The following STAU2 variants were observed in gnomAD, a reference collection of about 807,000 sequenced individuals.
STAU2 encodes staufen double-stranded RNA binding protein 2, also known as double-stranded RNA-binding protein Staufen homolog 2.
STAU2 carries 20 observed loss-of-function variants against 65.9 expected under a neutral mutation model. The ratio of observed to expected loss-of-function variants is 0.30; its 90% CI spans 0.21 to 0.44. STAU2 has a LOEUF of 0.44. Ranked by LOEUF, STAU2 falls within the 20% of genes least tolerant of loss-of-function variation. The probability of loss-of-function intolerance (pLI) is 1.00; values close to 1 mark genes in which losing one functional copy is unlikely to be tolerated. For synonymous variants in STAU2, 232 were observed against 233.9 expected (o/e 0.99, Z 0.07); for missense variants, 558 against 683.9 (o/e 0.82, Z 2.05).
chr8:73,613,125 T>C (rs895055923), intron 9 of STAU2, among the ~76,000 whole-genome samples: 1 of 152,238 alleles, frequency 6.6e-6, no homozygotes, highest in Non-Finnish European at 1.5e-5. Context: ...CTACTTCATA[T>C]GGTTGCTATG....
At chr8:73,701,227 T>G (rs1050167347) in intron 4 of STAU2, among the ~76,000 whole-genome samples, 2 of 152,132 alleles carry the variant, frequency 1.3e-5, no homozygotes, top group Admixed American at 6.5e-5. Context: ...AAACATTTCT[T>G]GAGTAATACC....
intron 3 of STAU2, among the ~76,000 whole-genome samples, chr8:73,729,774 G>T (rs1264565757): frequency 6.6e-6 from 1 of 152,086 alleles, no homozygotes; most frequent in Non-Finnish European, 1.5e-5. Context: ...TTTTAGTAAT[G>T]CGTATTTCTA....
At chr8:73,653,089 A>T (rs1043766055) in intron 6 of STAU2, 2 of 152,216 alleles carry the variant, frequency 1.3e-5, no homozygotes, top group Non-Finnish European at 1.5e-5. Context: ...AGAAAGGAGC[A>T]AGCAATATGC....
chr8:73,598,226 CTTTTTT>C (rs138249622), intron 10 of STAU2, among the ~76,000 whole-genome samples: 1 of 129,338 alleles, frequency 7.7e-6, no homozygotes, highest in South Asian at 2.5e-4. Flanking sequence ...AAGAAGAAAA[CTTTTTT>C]TTTTTTTTTT....
At chr8:73,463,207 C>A (rs1029451721) in intron 13 of STAU2, among the ~76,000 whole-genome samples, 2 of 152,342 alleles carry the variant, frequency 1.3e-5, no homozygotes, top group East Asian at 3.9e-4. Flanking sequence ...ATGCAGTATG[C>A]TGGTCTTTAG....
At chr8:73,545,734 G>A (rs1026899894) in intron 13 of STAU2, among the ~76,000 whole-genome samples, 7 of 150,360 alleles carry the variant, frequency 4.7e-5, no homozygotes, top group Non-Finnish European at 8.9e-5. Context: ...TGCAAGCTCC[G>A]CCTCTTGGGT....
At chr8:73,493,995 G>T (rs1052436282) in intron 13 of STAU2, among the ~76,000 whole-genome samples, 1 of 151,768 alleles carries the variant, frequency 6.6e-6, no homozygotes, top group African/African-American at 2.4e-5. Context: ...TTACATAAGG[G>T]CTGGAACAAT....
chr8:73,693,243 G>A (rs1051622619), intron 4 of STAU2, among the ~76,000 whole-genome samples: 3 of 152,212 alleles, frequency 2.0e-5, no homozygotes, highest in Non-Finnish European at 4.4e-5. Context: ...GGAGGCCGAG[G>A]CGGGCGGATC....
intron 12 of STAU2, among the ~76,000 whole-genome samples, chr8:73,567,607 G>C (rs1000140793): frequency 2.0e-5 from 3 of 151,156 alleles, no homozygotes; most frequent in African/African-American, 7.3e-5. Context: ...GGCTGCAGTG[G>C]CACAATCTGT....
intron 13 of STAU2, among the ~76,000 whole-genome samples, chr8:73,451,100 A>ACATTTCT (rs1818776262): frequency 6.6e-6 from 1 of 152,180 alleles, no homozygotes; most frequent in Non-Finnish European, 1.5e-5. Context: ...GCATCATGCC[A>ACATTTCT]CATTTCTCTC....
At chr8:73,569,115 C>T (rs754284115) in intron 12 of STAU2, among the ~76,000 whole-genome samples, 1 of 152,124 alleles carries the variant, frequency 6.6e-6, no homozygotes, top group Non-Finnish European at 1.5e-5. Context: ...CACCCTAATA[C>T]TGCGCTTTTC....
intron 13 of STAU2, among the ~76,000 whole-genome samples, chr8:73,429,724 A>G (rs1474981502): frequency 6.6e-6 from 1 of 151,952 alleles, no homozygotes; most frequent in Non-Finnish European, 1.5e-5. Context: ...GGCGTGGCTC[A>G]TGTCTCTTTA....
At chr8:73,711,797 G>C (rs1055954501) in intron 3 of STAU2, among the ~76,000 whole-genome samples, 1 of 151,954 alleles carries the variant, frequency 6.6e-6, no homozygotes, top group Non-Finnish European at 1.5e-5. Flanking sequence ...CATTTTAATG[G>C]GTGACTGAAG....
intron 5 of STAU2, among the ~76,000 whole-genome samples, chr8:73,687,766 C>T (rs1357171486): frequency 6.6e-6 from 1 of 151,822 alleles, no homozygotes; most frequent in Non-Finnish European, 1.5e-5. Context: ...GGCTGGAGTG[C>T]AGTGGCACGA....
chr8:73,646,935 CCAGA>C (rs1815420391), intron 6 of STAU2, among the ~76,000 whole-genome samples: 2 of 89,326 alleles, frequency 2.2e-5, no homozygotes, highest in Admixed American at 2.3e-4. Flanking sequence ...AGACACACAG[CCAGA>C]CACACACACA....
At chr8:73,452,732 A>G (rs930378285) in intron 13 of STAU2, among the ~76,000 whole-genome samples, 42 of 152,364 alleles carry the variant, frequency 2.8e-4, no homozygotes, top group African/African-American at 8.7e-4. Context: ...TACATCTTTT[A>G]GTTGGGCATT....
chr8:73,613,910 C>T lies in STAU2; in HGVS notation c.725G>A (p.Arg242Gln). ...TGCAGAGAACTCTCCTACTGACACT[C>T]GAGTAACAAAGCTTTTCATATGTGG... is the stretch of plus-strand genomic sequence containing the variant. The part of the protein sequence containing the change: ...GPPHMKSFVT[R>Q]VSVGEFSAEG... Residue 242 changes from arginine (R) to glutamine (Q), a missense_variant, in exon 9 of 15, where the codon CGA becomes CAA. Arg to Gln is a conservative substitution (Grantham distance 43). Coordinates refer to ENST00000524300, the MANE Select transcript of STAU2 (RefSeq NM_001164380.2). The T allele has an allele frequency of 1.2e-6, 2 of 1,613,008 alleles. No homozygotes were observed. The highest frequency in any genetic ancestry group is 1.3e-5 in the African/African-American group (1 of 74,926).
intron 13 of STAU2, among the ~76,000 whole-genome samples, chr8:73,544,428 T>C (rs961246124): frequency 3.3e-5 from 5 of 152,206 alleles, no homozygotes; most frequent in Non-Finnish European, 7.3e-5. Flanking sequence ...TCAGTGGTCT[T>C]TGTCTAATGG....
chr8:73,710,420 A>G (rs1194856674), intron 3 of STAU2, among the ~76,000 whole-genome samples: 1 of 91,562 alleles, frequency 1.1e-5, no homozygotes, highest in Non-Finnish European at 2.4e-5. Context: ...TTTTCCTTTT[A>G]TGGTCTGTGC....
Sources: gnomAD v4.1 joint callset for allele counts (sites outside exome capture counted in the v4.1 genomes callset) on GRCh38, gnomAD v4.1.1 for gene constraint, MANE v1.5 for transcripts, NCBI Gene and HGNC (gene_info 2026-07-23, HGNC 2026-07-21) for gene names.